The following UGT1A9 variants were observed in gnomAD, a reference collection of about 807,000 sequenced individuals.
UGT1A9 encodes the protein UDP-glucuronosyltransferase 1A9.
UGT1A9 carries 35 observed loss-of-function variants against 45.0 expected under a neutral mutation model. The ratio of observed to expected loss-of-function variants is 0.78; its 90% CI spans 0.59 to 1.03. The LOEUF is 1.03. Ranked by LOEUF, UGT1A9 falls within the 50% of genes least tolerant of loss-of-function variation. UGT1A9 has a pLI of 0.00. For synonymous variants in UGT1A9, 278 were observed against 250.6 expected (o/e 1.11, Z -1.03); for missense variants, 687 against 666.6 (o/e 1.03, Z -0.34).
chr2:233,674,338 A>G (rs1038905928), intron 1 of UGT1A9, among the ~76,000 whole-genome samples: 2 of 152,196 alleles, frequency 1.3e-5, no homozygotes, highest in Non-Finnish European at 2.9e-5. Context: ...TGCAAATGGC[A>G]GAAATCTAAG....
At chr2:233,759,612 A>T (rs992811783) in intron 1 of UGT1A9, among the ~76,000 whole-genome samples, 1 of 32,712 alleles carries the variant, frequency 3.1e-5, no homozygotes, top group African/African-American at 8.8e-5. Flanking sequence ...CGCCCCACCC[A>T]CCCACCTGTT....
chr2:233,681,473 G>A (rs923534555), intron 1 of UGT1A9, among the ~76,000 whole-genome samples: 2 of 144,586 alleles, frequency 1.4e-5, no homozygotes, highest in Non-Finnish European at 3.0e-5. Context: ...GGAGGTTGCA[G>A]TGAGCCTAGA....
chr2:233,753,448 GCC>G (rs1695207775), intron 1 of UGT1A9: 1 of 152,160 alleles, frequency 6.6e-6, no homozygotes, highest in South Asian at 2.1e-4. Context: ...ATGTGTTCAG[GCC>G]ATGATTTTTC....
chr2:233,682,657 G>A (rs778347346), intron 1 of UGT1A9: 42 of 1,613,702 alleles, frequency 2.6e-5, no homozygotes, highest in African/African-American at 5.3e-5. Context: ...CCCCTGTCAC[G>A]GCATATGATC....
At chr2:233,726,475 A>G (rs1008542072) in intron 1 of UGT1A9, among the ~76,000 whole-genome samples, 16 of 152,160 alleles carry the variant, frequency 1.1e-4, no homozygotes, top group African/African-American at 3.1e-4. Context: ...TTTAACAGAA[A>G]TTTCCTTTTT....
intron 1 of UGT1A9, among the ~76,000 whole-genome samples, chr2:233,750,277 G>A (rs1168754564): frequency 6.6e-6 from 1 of 151,936 alleles, no homozygotes; most frequent in Non-Finnish European, 1.5e-5. Context: ...TTAGCAAAGA[G>A]ACTGGTGGCA....
At chr2:233,733,213 G>T (rs974647269) in intron 1 of UGT1A9, among the ~76,000 whole-genome samples, 1 of 152,158 alleles carries the variant, frequency 6.6e-6, no homozygotes, top group African/African-American at 2.4e-5. Flanking sequence ...TTTGGGCTGA[G>T]ACAATGGGGT....
At chr2:233,757,782 T>A (rs935250846) in intron 1 of UGT1A9, among the ~76,000 whole-genome samples, 4 of 151,680 alleles carry the variant, frequency 2.6e-5, no homozygotes, top group Admixed American at 6.6e-5. Context: ...AGCCTGTCAT[T>A]CTGATTTGAT....
At chr2:233,746,742 CAAAGCAGAGATT>C (rs1462654911) in intron 1 of UGT1A9, among the ~76,000 whole-genome samples, 1 of 151,752 alleles carries the variant, frequency 6.6e-6, no homozygotes, top group East Asian at 1.9e-4. Context: ...GCTTTGGTTC[CAAAGCAGAGATT>C]AATTGGATTG....
chr2:233,726,321 G>A (rs1278846802), intron 1 of UGT1A9, among the ~76,000 whole-genome samples: 1 of 152,184 alleles, frequency 6.6e-6, no homozygotes, highest in African/African-American at 2.4e-5. Context: ...GAGCTCAGGA[G>A]TTTCAGCACC....
At chr2:233,726,279 G>C (rs566930046) in intron 1 of UGT1A9, among the ~76,000 whole-genome samples, 9 of 152,210 alleles carry the variant, frequency 5.9e-5, no homozygotes, top group Non-Finnish European at 1.2e-4. Flanking sequence ...TATGGTCCCA[G>C]GTACTTGGGA....
chr2:233,721,297 G>C (rs770095784), intron 1 of UGT1A9, among the ~76,000 whole-genome samples: 1 of 152,120 alleles, frequency 6.6e-6, no homozygotes, highest in Non-Finnish European at 1.5e-5. Flanking sequence ...GAAGGCATTT[G>C]AATAGTGATT....
At chr2:233,698,798 C>A (rs572322118) in intron 1 of UGT1A9, among the ~76,000 whole-genome samples, 2 of 152,356 alleles carry the variant, frequency 1.3e-5, no homozygotes, top group African/African-American at 4.8e-5. Context: ...AACCTCTGGG[C>A]TCCCAGCCTC....
At chr2:233,767,542 T>C (rs1158948915) in intron 2 of UGT1A9, among the ~76,000 whole-genome samples, 1 of 152,274 alleles carries the variant, frequency 6.6e-6, no homozygotes, top group African/African-American at 2.4e-5. Context: ...TTTCTGCTCT[T>C]ATAGTTCTGC....
At chr2:233,757,535 A>AAT (rs67292694) in intron 1 of UGT1A9, among the ~76,000 whole-genome samples, 7,470 of 88,184 alleles carry the variant, frequency 0.085, 593 homozygotes, top group East Asian at 0.11. Context: ...GCCTGTAAGG[A>AAT]ATATATATAT....
chr2:233,701,069 A>G (rs1052712188), intron 1 of UGT1A9, among the ~76,000 whole-genome samples: 4 of 152,144 alleles, frequency 2.6e-5, no homozygotes, highest in African/African-American at 9.7e-5. Flanking sequence ...TTATGGCTGC[A>G]TAGTATTCCA....
intron 1 of UGT1A9, 112 bp from the exon 2 acceptor site, chr2:233,766,922 G>C (rs955173337): frequency 6.4e-7 from 1 of 1,559,654 alleles, no homozygotes; most frequent in Non-Finnish European, 8.6e-7. Flanking sequence ...TCTCAAACAC[G>C]CATGCCTTTA....
At chr2:233,768,541 A>C (rs1699639375) in intron 4 of UGT1A9, 102 bp downstream of exon 4, 3 of 1,492,216 alleles carry the variant, frequency 2.0e-6, no homozygotes, top group Non-Finnish European at 2.7e-6. Flanking sequence ...GTTGTTTCAA[A>C]TATAAAAACA....
At chr2:233,731,048 G>A (rs1354846386) in intron 1 of UGT1A9, among the ~76,000 whole-genome samples, 4 of 152,194 alleles carry the variant, frequency 2.6e-5, no homozygotes, top group African/African-American at 9.7e-5. Context: ...TTCACCGAAT[G>A]TGTATGAACT....
Sources: allele counts gnomAD v4.1 joint callset (sites outside exome capture counted in the v4.1 genomes callset), GRCh38; gene constraint gnomAD v4.1.1; transcripts MANE v1.5; gene names NCBI Gene and HGNC (gene_info 2026-07-23, HGNC 2026-07-21).